Variants in ARHGAP18 observed in about 807,000 individuals in gnomAD.
ARHGAP18 encodes the protein Rho GTPase activating protein 18.
ARHGAP18 carries 67 observed loss-of-function variants against 86.2 expected under a neutral mutation model. The ratio of observed to expected loss-of-function variants is 0.78; its 90% CI spans 0.64 to 0.95. ARHGAP18 has a LOEUF of 0.95. ARHGAP18 is among the 40% of genes least tolerant of loss of function. The pLI, the probability that ARHGAP18 is intolerant of heterozygous loss-of-function variation, is 0.00. For synonymous variants in ARHGAP18, 283 were observed against 280.4 expected (o/e 1.01, Z -0.09); for missense variants, 691 against 780.4 (o/e 0.89, Z 1.37).
intron 1 of ARHGAP18, among the ~76,000 whole-genome samples, chr6:129,653,822 A>AG (rs138102682): frequency 0.19 from 27,747 of 147,748 alleles, 2,789 homozygotes; most frequent in Non-Finnish European, 0.22. Context: ...TAACATTTGA[A>AG]GAAAAAAAAA....
chr6:129,625,888 T>G (rs1584063134), intron 5 of ARHGAP18, among the ~76,000 whole-genome samples: 1 of 87,532 alleles, frequency 1.1e-5, no homozygotes, highest in Non-Finnish European at 2.1e-5. Flanking sequence ...ATTTATATAT[T>G]ATATATTATA....
At chr6:129,652,740 C>T (rs1040075271) in intron 1 of ARHGAP18, among the ~76,000 whole-genome samples, 2 of 152,156 alleles carry the variant, frequency 1.3e-5, no homozygotes, top group Admixed American at 1.3e-4. Flanking sequence ...TGACTCACTA[C>T]AGATTTATAA....
chr6:129,577,787 G>T lies in ARHGAP18; in HGVS notation c.*726C>A, dbSNP rs1056504831. ...CCATAATCCAATTATTATTTCACAT[G>T]GGTATATTTTATTTATTCTTAGTAT... On this transcript the variant is annotated 3_prime_UTR_variant, in exon 15 of 15. Transcript: ENST00000368149. 18 of 152,030 alleles carry T rather than the reference G, an allele frequency of 1.2e-4. No individual in the cohort carries two copies. Among genetic ancestry groups the T allele is most frequent in the African/African-American group, 4.1e-4 (17 of 41,410 alleles). 9.4% of individuals were successfully genotyped at this position (152,030 alleles called of 1,614,324 possible). A position where few individuals can be genotyped will look rare whatever the true frequency, so the allele number is the denominator to read the frequency against.
In ARHGAP18 at chr6:129,613,158, C is replaced by T. The variant is rs546074199; in HGVS notation, c.1045-1548G>A. On this transcript the variant is annotated intron_variant, in intron 7 of 14. Coordinates refer to ENST00000368149, the MANE Select transcript of ARHGAP18 (RefSeq NM_033515.3). ...TGAGGCAGGAGAATGGTGTGAACCC[C>T]AGAGGCGGAGCTTGCAGTGAGCCAA... Among the ~76,000 whole-genome samples, 8 of 149,184 alleles carry T rather than the reference C, an allele frequency of 5.4e-5. No homozygotes were observed. The East Asian group carries it at 7.9e-4, about 15-fold the overall frequency.
intron 1 of ARHGAP18, among the ~76,000 whole-genome samples, chr6:129,667,462 AAT>A (rs56763784): frequency 0.012 from 1,246 of 107,112 alleles, 20 homozygotes; most frequent in African/African-American, 0.044. Flanking sequence ...TCAAAAGAAA[AAT>A]ATATATGTGT....
intron 1 of ARHGAP18, among the ~76,000 whole-genome samples, chr6:129,676,782 A>G (rs1013813782): frequency 6.9e-4 from 104 of 151,366 alleles, no homozygotes; most frequent in Admixed American, 4.8e-3. Context: ...TTGGGTGTGG[A>G]AAAAAAAAGT....
intron 12 of ARHGAP18, among the ~76,000 whole-genome samples, chr6:129,596,071 T>G (rs918498410): frequency 3.9e-5 from 6 of 152,166 alleles, no homozygotes; most frequent in African/African-American, 1.2e-4. Flanking sequence ...TTTGCTCCCT[T>G]TTAGTCTATT....
intron 1 of ARHGAP18, among the ~76,000 whole-genome samples, chr6:129,696,395 T>G (rs574498058): frequency 1.6e-4 from 25 of 152,364 alleles, no homozygotes; most frequent in African/African-American, 5.8e-4. Flanking sequence ...AGTACTCTAT[T>G]CTTCCCAAAT....
At chr6:129,627,999 T>G (rs916884777) in intron 5 of ARHGAP18, among the ~76,000 whole-genome samples, 1 of 152,118 alleles carries the variant, frequency 6.6e-6, no homozygotes, top group African/African-American at 2.4e-5. Context: ...GGTGGGGGTA[T>G]GAATAGGTCA....
In ARHGAP18 at chr6:129,638,422, A is replaced by C. The variant is rs1321074471; in HGVS notation, c.524T>G (p.Phe175Cys). The C allele has an allele frequency of 1.9e-6, 3 of 1,614,026 alleles. No homozygotes were observed. The African/African-American group carries it at 4.0e-5, about 22-fold the overall frequency. Residue 175 changes from phenylalanine to cysteine, a missense_variant, in exon 3 of 15, where the codon TTT becomes TGT. Phe to Cys is a radical substitution (Grantham distance 205). Coordinates refer to ENST00000368149, the MANE Select transcript of ARHGAP18 (RefSeq NM_033515.3). ...QYQIPDVRDI[F>C]AQQRESKETA... ...TTCTTTTGATTCTCTCTGTTGAGCA[A>C]ATATGTCTCTGACGTCAGGAATCTG... is the stretch of plus-strand genomic sequence containing the variant.
chr6:129,696,644 C>A (rs1774622069), intron 1 of ARHGAP18, among the ~76,000 whole-genome samples: 2 of 152,044 alleles, frequency 1.3e-5, no homozygotes, highest in African/African-American at 4.8e-5. Context: ...AATACCGGGC[C>A]CCTGCATGAG....
chr6:129,678,700 T>G, intron 1 of ARHGAP18, among the ~76,000 whole-genome samples: 1 of 152,222 alleles, frequency 6.6e-6, no homozygotes, highest in East Asian at 1.9e-4. Context: ...TGAGATTAAT[T>G]TATCTGGAGT....
At position 129,616,297 on chromosome 6, in the gene ARHGAP18, C is replaced by G. The variant is rs903298332; in HGVS notation, c.959G>C (p.Gly320Ala). Residue 320 changes from glycine (G) to alanine (A), a missense_variant, in exon 7 of 15, where the codon GGT (glycine) becomes GCT (alanine). Gly to Ala is a moderately conservative substitution (Grantham distance 60, BLOSUM62 0). Coordinates refer to ENST00000368149, the MANE Select transcript of ARHGAP18 (RefSeq NM_033515.3). The part of the protein sequence containing the change: ...KAVKIKTKDS[G>A]LFCVPLTALL... ...CGCTGTCAATGGAACGCAAAAAAGACCAGAATCTGCAAGAAAAAAAATGAA... is the reference window on the plus strand; with the variant it reads ...CGCTGTCAATGGAACGCAAAAAAGAGCAGAATCTGCAAGAAAAAAAATGAA... 3.1e-6 allele frequency: 5 copies of G among 1,606,882 alleles called. No homozygotes were observed. Among genetic ancestry groups the G allele is most frequent in the Non-Finnish European group, 4.2e-6 (5 of 1,176,914 alleles).
At chr6:129,630,901 C>A (rs916382806) in intron 4 of ARHGAP18, among the ~76,000 whole-genome samples, 80 of 152,256 alleles carry the variant, frequency 5.3e-4, no homozygotes, top group African/African-American at 1.7e-3. Flanking sequence ...TAAGAATTTA[C>A]CTGTGCCAAT....
At chr6:129,591,942 G>A (rs4504494) in intron 12 of ARHGAP18, among the ~76,000 whole-genome samples, 30,613 of 152,012 alleles carry the variant, frequency 0.2, 5,899 homozygotes, top group African/African-American at 0.48. Context: ...AAAGGAATTC[G>A]CTACTATCTT....
intron 12 of ARHGAP18, chr6:129,598,735 A>G (rs1270445689): frequency 6.6e-6 from 1 of 152,168 alleles, no homozygotes; most frequent in African/African-American, 2.4e-5. Flanking sequence ...AATACTTATT[A>G]AAGTCCAGGA....
chr6:129,666,743 G>A (rs1308661702), intron 1 of ARHGAP18, among the ~76,000 whole-genome samples: 1 of 152,180 alleles, frequency 6.6e-6, no homozygotes, highest in African/African-American at 2.4e-5. Context: ...CTTAGAAGTA[G>A]AGATCAAAAA....
At chr6:129,605,134 A>AT (rs906561849) in intron 10 of ARHGAP18, among the ~76,000 whole-genome samples, 22 of 152,134 alleles carry the variant, frequency 1.4e-4, no homozygotes, top group African/African-American at 3.4e-4. Flanking sequence ...TACTAAGTTA[A>AT]TTTTTTTTCC....
chr6:129,622,571 C>T, intron 5 of ARHGAP18, among the ~76,000 whole-genome samples: 1 of 152,172 alleles, frequency 6.6e-6, no homozygotes, highest in East Asian at 1.9e-4. Context: ...TAATTCATAG[C>T]AGCAGCTTTA....
Sources: gnomAD v4.1 joint callset for allele counts (sites outside exome capture counted in the v4.1 genomes callset) on GRCh38, gnomAD v4.1.1 for gene constraint, MANE v1.5 for transcripts, NCBI Gene and HGNC (gene_info 2026-07-23, HGNC 2026-07-21) for gene names.